MTUS1: variants seen among roughly 807,000 people sequenced by gnomAD.
The protein encoded by MTUS1 is microtubule-associated tumor suppressor 1.
In MTUS1, 109 loss-of-function variants were observed where a neutral mutation model predicts 120.8. That is an observed-to-expected ratio of 0.90 (90% CI 0.77 to 1.06). The LOEUF (loss-of-function observed/expected upper bound fraction) is 1.06. Among genes scored for constraint, MTUS1 ranks in the 50% least tolerant of loss-of-function variants. The pLI, the probability that MTUS1 is intolerant of heterozygous loss-of-function variation, is 0.00. For missense variants in MTUS1, 2,210 were observed against 1,486.3 expected, an observed-to-expected ratio of 1.49 and a Z score of -8.01; for synonymous variants, 737 against 550.5, an observed-to-expected ratio of 1.34 and a Z score of -4.74.
At chr8:17,647,312 G>C (rs1014989877) in intron 13 of MTUS1, 2 of 424,532 alleles carry the variant, frequency 4.7e-6, no homozygotes, top group African/African-American at 2.0e-5. Flanking sequence ...ATTGATACGA[G>C]TGGGTAACAG....
chr8:17,666,281 T>TA (rs59263006), intron 8 of MTUS1, among the ~76,000 whole-genome samples: 5,164 of 140,676 alleles, frequency 0.037, 85 homozygotes, highest in Middle Eastern at 0.063. Context: ...AGTTTCAATG[T>TA]AAAAAAAAAA....
chr8:17,675,229 G>C lies in MTUS1; in HGVS notation c.2862C>G (p.His954Gln). The C allele has an allele frequency of 1.2e-6, 2 of 1,614,108 alleles. No homozygotes were observed. The highest frequency in any genetic ancestry group is 1.1e-5 in the South Asian group (1 of 91,054). ...LSEREEALKQ[H>Q]KTLSQELVNL... is the part of the protein sequence containing the mutation. ...TAACAAGTTCTTGAGATAGGGTTTT[G>C]TGTTGTTTCAGTGCTTCCTCCCGCT... The change falls in exon 8 of 15, where the codon CAC becomes CAG. Residue 954 changes from histidine to glutamine, a missense_variant. Physicochemically the swap from His to Gln is conservative, Grantham distance 24. Coordinates refer to ENST00000693296, the MANE Select transcript of MTUS1 (RefSeq NM_001363059.2).
intron 6 of MTUS1, among the ~76,000 whole-genome samples, chr8:17,702,107 G>C (rs1231126565): frequency 6.6e-6 from 1 of 152,088 alleles, no homozygotes; most frequent in Non-Finnish European, 1.5e-5. Flanking sequence ...CAGTCAATAA[G>C]TAAATAAATT....
At chr8:17,675,985 T>G (rs1813023562) in intron 7 of MTUS1, 6 of 409,436 alleles carry the variant, frequency 1.5e-5, no homozygotes, top group South Asian at 1.3e-4. Flanking sequence ...CACACATACT[T>G]ACACAAATAC....
chr8:17,659,473 G>C (rs1809201724), intron 8 of MTUS1, among the ~76,000 whole-genome samples: 1 of 152,344 alleles, frequency 6.6e-6, no homozygotes, highest in South Asian at 2.1e-4. Flanking sequence ...GAAGCGTGCA[G>C]ATCATGAGGT....
At chr8:17,699,182 C>A (rs1001968978) in intron 6 of MTUS1, among the ~76,000 whole-genome samples, 1 of 152,076 alleles carries the variant, frequency 6.6e-6, no homozygotes, top group Non-Finnish European at 1.5e-5. Context: ...GTTGTTTCTT[C>A]AGTAACAGCA....
At chr8:17,719,858 T>C (rs898604177) in intron 4 of MTUS1, among the ~76,000 whole-genome samples, 1 of 152,124 alleles carries the variant, frequency 6.6e-6, no homozygotes, top group Non-Finnish European at 1.5e-5. Flanking sequence ...GCTTAATCAC[T>C]TGAACAACTC....
intron 8 of MTUS1, among the ~76,000 whole-genome samples, chr8:17,659,050 G>A (rs1377663517): frequency 2.0e-5 from 3 of 152,094 alleles, no homozygotes; most frequent in African/African-American, 2.4e-5. Flanking sequence ...CCCTCACAGA[G>A]GACCCTCCTA....
At chr8:17,793,565 G>C (rs1272335655) in intron 1 of MTUS1, among the ~76,000 whole-genome samples, 1 of 152,074 alleles carries the variant, frequency 6.6e-6, no homozygotes, top group African/African-American at 2.4e-5. Flanking sequence ...AATTATAAAA[G>C]TAAAAATGTA....
chr8:17,660,448 G>A (rs766631292), intron 8 of MTUS1, among the ~76,000 whole-genome samples: 11 of 152,146 alleles, frequency 7.2e-5, no homozygotes, highest in Non-Finnish European at 1.2e-4. Flanking sequence ...ACGGACACTT[G>A]GGTTGCCTCC....
chr8:17,742,630 G>A (rs1215891372), intron 3 of MTUS1, among the ~76,000 whole-genome samples: 1 of 152,040 alleles, frequency 6.6e-6, no homozygotes, highest in Non-Finnish European at 1.5e-5. Flanking sequence ...CTGTGGTCAT[G>A]TCTCCTTGAC....
At chr8:17,780,132 CTG>C (rs1455667105) in intron 1 of MTUS1, among the ~76,000 whole-genome samples, 1 of 152,056 alleles carries the variant, frequency 6.6e-6, no homozygotes, top group East Asian at 1.9e-4. Flanking sequence ...GTTGTTGAAA[CTG>C]TGTGGCAGCG....
At chr8:17,769,907 CACACACACACACACACACACG>C (rs1214735762) in intron 1 of MTUS1, among the ~76,000 whole-genome samples, 53 of 124,580 alleles carry the variant, frequency 4.3e-4, no homozygotes, top group African/African-American at 1.2e-3. Flanking sequence ...CACACACACA[CACACACACACACACACACACG>C]GGGGGGGTTG....
At chr8:17,689,645 T>C (rs1369876266) in intron 6 of MTUS1, among the ~76,000 whole-genome samples, 1 of 152,108 alleles carries the variant, frequency 6.6e-6, no homozygotes, top group African/African-American at 2.4e-5. Flanking sequence ...ATTGCCTCTC[T>C]CCTATAGCAA....
At chr8:17,680,548 C>G (rs997333792) in intron 7 of MTUS1, among the ~76,000 whole-genome samples, 2 of 147,274 alleles carry the variant, frequency 1.4e-5, no homozygotes, top group African/African-American at 5.0e-5. Flanking sequence ...GCTGTCAGGA[C>G]CTAAATTTAA....
chr8:17,766,189 C>T (rs980297677), intron 1 of MTUS1, among the ~76,000 whole-genome samples: 10 of 152,060 alleles, frequency 6.6e-5, no homozygotes, highest in Non-Finnish European at 1.3e-4. Flanking sequence ...TGAAAGCATA[C>T]GGTATTAGCA....
chr8:17,702,747 T>C (rs1000098969), intron 6 of MTUS1, among the ~76,000 whole-genome samples: 5 of 152,336 alleles, frequency 3.3e-5, no homozygotes, highest in Middle Eastern at 3.4e-3. Context: ...TGCACATATA[T>C]GCCATATTTG....
At chr8:17,733,814 A>T (rs1397757324) in intron 3 of MTUS1, among the ~76,000 whole-genome samples, 1 of 152,180 alleles carries the variant, frequency 6.6e-6, no homozygotes, top group East Asian at 1.9e-4. Context: ...TCCTCTTCTC[A>T]TTCTACCTTC....
intron 6 of MTUS1, chr8:17,697,412 G>C (rs1388290990): frequency 2.5e-6 from 4 of 1,611,806 alleles, no homozygotes; most frequent in African/African-American, 1.3e-5. Context: ...TCACAGAAGA[G>C]GCAATTTCCA....
Sources: gnomAD v4.1 joint callset for allele counts (sites outside exome capture counted in the v4.1 genomes callset) on GRCh38, gnomAD v4.1.1 for gene constraint, MANE v1.5 for transcripts, NCBI Gene and HGNC (gene_info 2026-07-23, HGNC 2026-07-21) for gene names.